SIPA1L3: variants seen among roughly 807,000 people sequenced by gnomAD.
SIPA1L3 encodes the protein signal-induced proliferation-associated 1-like protein 3.
SIPA1L3 carries 59 observed loss-of-function variants against 150.1 expected under a neutral mutation model. The observed-to-expected ratio is 0.39, with a 90% CI of 0.32 to 0.49. The LOEUF (loss-of-function observed/expected upper bound fraction) is 0.49, where lower values mean the gene tolerates loss of function less well. Ranked by LOEUF, SIPA1L3 falls within the 20% of genes least tolerant of loss-of-function variation. SIPA1L3 has a pLI of 0.86. For synonymous variants in SIPA1L3, 1,070 were observed against 1,077.6 expected (o/e 0.99, Z 0.14); for missense variants, 2,211 against 2,489.5 (o/e 0.89, Z 2.38).
At position 38,082,363 on chromosome 19, in the gene SIPA1L3, C is replaced by T. The variant is rs753135209; in HGVS notation, c.798C>T (p.Pro266=). Residue 266 remains proline, a synonymous_variant, in exon 3 of 22, where the codon CCC becomes CCT. Transcript: ENST00000222345. ...GAKGDSHNGQ[P]AKDSLLPLQP... ...AGGGGGACTCCCACAACGGGCAGCC[C>T]GCCAAGGACAGCCTCCTGCCACTGC... is the stretch of plus-strand genomic sequence containing the variant. 102 of 1,597,256 alleles carry T rather than the reference C, an allele frequency of 6.4e-5. No individual in the cohort carries two copies. The highest frequency in any genetic ancestry group is 8.1e-5 in the Non-Finnish European group (95 of 1,178,350).
At chr19:38,204,748 A>G (rs532440949) in intron 21 of SIPA1L3, among the ~76,000 whole-genome samples, 1 of 152,264 alleles carries the variant, frequency 6.6e-6, no homozygotes, top group East Asian at 1.9e-4. Flanking sequence ...CCTGGGCAAC[A>G]GAGCGAGACT....
At chr19:38,004,477 A>T (rs1227081586) in intron 1 of SIPA1L3, among the ~76,000 whole-genome samples, 1 of 152,186 alleles carries the variant, frequency 6.6e-6, no homozygotes, top group African/African-American at 2.4e-5. Flanking sequence ...ATTGCCAGTG[A>T]CCCATTTTCC....
intron 2 of SIPA1L3, among the ~76,000 whole-genome samples, chr19:38,043,713 A>G (rs1344966954): frequency 6.6e-6 from 1 of 152,208 alleles, no homozygotes; most frequent in Admixed American, 6.5e-5. Flanking sequence ...CACCATCCGT[A>G]ATCATCATCA....
intron 1 of SIPA1L3, among the ~76,000 whole-genome samples, chr19:37,961,878 G>A (rs1449237978): frequency 1.3e-5 from 2 of 151,942 alleles, no homozygotes; most frequent in Non-Finnish European, 2.9e-5. Flanking sequence ...AAGCCCACTG[G>A]TTCTTTTCAA....
At chr19:38,008,518 C>T (rs992511787) in intron 1 of SIPA1L3, among the ~76,000 whole-genome samples, 1 of 151,986 alleles carries the variant, frequency 6.6e-6, no homozygotes, top group Non-Finnish European at 1.5e-5. Context: ...CGTGAGCCAC[C>T]GCTCCTGGCT....
intron 2 of SIPA1L3, among the ~76,000 whole-genome samples, chr19:38,065,563 C>G (rs975924522): frequency 2.0e-5 from 3 of 151,758 alleles, no homozygotes; most frequent in African/African-American, 7.3e-5. Flanking sequence ...ATTACAGGTG[C>G]CTGCCACCAC....
At chr19:38,011,014 T>G (rs1968084667) in intron 1 of SIPA1L3, among the ~76,000 whole-genome samples, 1 of 152,188 alleles carries the variant, frequency 6.6e-6, no homozygotes, top group Non-Finnish European at 1.5e-5. Context: ...TGAGAAGACA[T>G]GGATGTGCGC....
intron 1 of SIPA1L3, among the ~76,000 whole-genome samples, chr19:37,923,564 G>C (rs2046475340): frequency 6.6e-6 from 1 of 152,196 alleles, no homozygotes; most frequent in African/African-American, 2.4e-5. Flanking sequence ...AGTTGCTCCA[G>C]GTGAGTCAGT....
chr19:38,005,600 G>T (rs1967922053), intron 1 of SIPA1L3, among the ~76,000 whole-genome samples: 1 of 152,104 alleles, frequency 6.6e-6, no homozygotes, highest in Admixed American at 6.5e-5. Context: ...CATCTGACCT[G>T]ATCAGGGCTT....
chr19:37,932,858 G>A (rs1388611317), intron 1 of SIPA1L3, among the ~76,000 whole-genome samples: 1 of 152,042 alleles, frequency 6.6e-6, no homozygotes, highest in East Asian at 1.9e-4. Flanking sequence ...AGAGTGGGCC[G>A]GGTGTTGACG....
chr19:38,034,170 C>G (rs895112403), intron 2 of SIPA1L3, among the ~76,000 whole-genome samples: 2 of 152,116 alleles, frequency 1.3e-5, no homozygotes, highest in Admixed American at 6.5e-5. Flanking sequence ...AACTTTTCAG[C>G]CTTTCCTGAG....
rs1292317022 is a variant in SIPA1L3, at chr19:38,182,507, T to C, written c.4209-12T>C. On this transcript the variant is annotated splice_polypyrimidine_tract_variant and intron_variant, in intron 15 of 21. Transcript: ENST00000222345. ...TTTGGTTTTTTTTATCTCTTTCATT[T>C]TTGCTTTGCAGTGACATGGGCTCGA... The C allele has an allele frequency of 6.3e-7, 1 of 1,577,842 alleles. No individual in the cohort carries two copies. Among genetic ancestry groups the C allele is most frequent in the South Asian group, 1.1e-5 (1 of 87,208 alleles).
At chr19:37,946,642 A>T (rs2046714667) in intron 1 of SIPA1L3, among the ~76,000 whole-genome samples, 1 of 151,550 alleles carries the variant, frequency 6.6e-6, no homozygotes, top group South Asian at 2.1e-4. Context: ...GATATGAATC[A>T]TTTTGTTATG....
At position 38,101,075 on chromosome 19, in the gene SIPA1L3, C is replaced by T. The variant is rs1970491139; in HGVS notation, c.1878C>T (p.Gly626=). The change falls in exon 6 of 22, where the codon GGC becomes GGT. Residue 626 remains glycine, a synonymous_variant. Coordinates refer to ENST00000222345, the MANE Select transcript of SIPA1L3 (RefSeq NM_015073.3). ...EQGLCRKHKV[G]ILYCKAGQSS... is the part of the protein sequence containing the mutation. The stretch of plus-strand genomic sequence containing the variant: ...AGCTCTGCCGGAAGCACAAGGTGGG[C>T]ATCCTCTATTGCAAGGCCGGCCAGA... 3 of 1,578,308 alleles carry T rather than the reference C, an allele frequency of 1.9e-6. No individual in the cohort carries two copies. The highest frequency in any genetic ancestry group is 1.4e-5 in the African/African-American group (1 of 73,766).
At chr19:38,133,240 C>A (rs971372067) in intron 10 of SIPA1L3, among the ~76,000 whole-genome samples, 1 of 152,230 alleles carries the variant, frequency 6.6e-6, no homozygotes, top group African/African-American at 2.4e-5. Context: ...TGGCCATCAC[C>A]ACATGTCCCC....
intron 2 of SIPA1L3, among the ~76,000 whole-genome samples, chr19:38,030,642 A>ATATATATATATATATG (rs1555778714): frequency 6.6e-5 from 5 of 75,326 alleles, no homozygotes; most frequent in African/African-American, 2.0e-4. Flanking sequence ...ATATATATAT[A>ATATATATATATATATG]TATATATATG....
intron 15 of SIPA1L3, among the ~76,000 whole-genome samples, chr19:38,170,769 A>G (rs537466143): frequency 6.6e-6 from 1 of 152,096 alleles, no homozygotes; most frequent in Admixed American, 6.6e-5. Context: ...GAGCTGGAGG[A>G]GGTGTCTAAT....
At chr19:38,012,376 G>A (rs1033237724) in intron 1 of SIPA1L3, among the ~76,000 whole-genome samples, 1 of 152,060 alleles carries the variant, frequency 6.6e-6, no homozygotes, top group Non-Finnish European at 1.5e-5. Flanking sequence ...GTGAGCTACC[G>A]TGAGTCTTAA....
At chr19:37,948,856 T>C (rs2046736621) in intron 1 of SIPA1L3, among the ~76,000 whole-genome samples, 1 of 152,160 alleles carries the variant, frequency 6.6e-6, no homozygotes, top group African/African-American at 2.4e-5. Context: ...GCCTGAAAGA[T>C]AAGGAGCCAG....
Sources: allele counts gnomAD v4.1 joint callset (sites outside exome capture counted in the v4.1 genomes callset), GRCh38; gene constraint gnomAD v4.1.1; transcripts MANE v1.5; gene names NCBI Gene and HGNC (gene_info 2026-07-23, HGNC 2026-07-21).